CHODL: variants seen among roughly 807,000 people sequenced by gnomAD.
The protein encoded by CHODL is transmembrane protein MT75.
A neutral mutation model predicts 34.5 loss-of-function variants in CHODL; 29 were observed. The ratio of observed to expected loss-of-function variants is 0.84; its 90% CI spans 0.63 to 1.15. The LOEUF is 1.15. CHODL is among the 50% of genes most tolerant of loss of function. CHODL has a pLI of 0.00. For missense variants in CHODL, 332 were observed against 332.5 expected, an observed-to-expected ratio of 1.00 and a Z score of 0.01; for synonymous variants, 125 against 116.1, an observed-to-expected ratio of 1.08 and a Z score of -0.49.
At chr21:18,121,215 C>T (rs1284682209) in intron 2 of CHODL, among the ~76,000 whole-genome samples, 1 of 152,036 alleles carries the variant, frequency 6.6e-6, no homozygotes, top group African/African-American at 2.4e-5. Context: ...TTTTGACTTC[C>T]CTGGGCCACA....
intron 2 of CHODL, among the ~76,000 whole-genome samples, chr21:18,207,393 T>C (rs1286741818): frequency 6.6e-6 from 1 of 152,172 alleles, no homozygotes; most frequent in Non-Finnish European, 1.5e-5. Flanking sequence ...CCTTTTGCTG[T>C]TTGTGTCTTA....
intron 2 of CHODL, among the ~76,000 whole-genome samples, chr21:18,174,151 A>ATG (rs1222969206): frequency 7.9e-6 from 1 of 125,804 alleles, no homozygotes; most frequent in African/African-American, 2.9e-5. Context: ...ATATATATAT[A>ATG]TATATATATA....
chr21:17,939,241 C>T (rs938475792), intron 1 of CHODL, among the ~76,000 whole-genome samples: 2 of 152,110 alleles, frequency 1.3e-5, no homozygotes, highest in African/African-American at 4.8e-5. Context: ...CCTCATTTCT[C>T]CTCCCCCCAC....
chr21:18,100,215 C>A (rs74512498), intron 2 of CHODL, among the ~76,000 whole-genome samples: 2,529 of 152,092 alleles, frequency 0.017, 60 homozygotes, highest in Middle Eastern at 0.075. Context: ...TTGAATCAAC[C>A]TACTGACAAA....
rs76672322 is a variant in CHODL, at chr21:18,021,747, T to C, written c.-144-6125T>C. ...CTGTGTTTTTCCTACCACCTCATAG[T>C]GGAGAACATAAAAACAGCCCTTCAT... On this transcript the variant is annotated intron_variant, in intron 1 of 6. Transcript: ENST00000400127. Among the ~76,000 whole-genome samples the C allele has an allele frequency of 5.9e-3, 890 of 151,696 alleles. 5 individuals carry two copies. Among genetic ancestry groups the C allele is most frequent in the South Asian group, 0.018 (85 of 4,780 alleles).
At chr21:18,245,411 T>A (rs2074127598) in intron 1 of CHODL, 109 bp downstream of exon 1, 1 of 846,388 alleles carries the variant, frequency 1.2e-6, no homozygotes, top group Non-Finnish European at 1.8e-6. Context: ...GAAACCTGCA[T>A]GGTGTAAGGA....
chr21:18,217,343 A>G (rs2073840122), intron 2 of CHODL, among the ~76,000 whole-genome samples: 2 of 152,112 alleles, frequency 1.3e-5, no homozygotes, highest in Admixed American at 6.5e-5. Context: ...GAAACTTACA[A>G]TCATGTCAGA....
chr21:18,004,915 C>T (rs113080320), intron 1 of CHODL, among the ~76,000 whole-genome samples: 42 of 151,900 alleles, frequency 2.8e-4, no homozygotes, highest in African/African-American at 9.7e-4. Context: ...ATCCTGTTAC[C>T]ACTATTGCCA....
chr21:18,089,185 T>C (rs158036), intron 2 of CHODL, among the ~76,000 whole-genome samples: 62,465 of 152,170 alleles, frequency 0.41, 13,971 homozygotes, highest in Non-Finnish European at 0.51. Context: ...AGCTAGTAAA[T>C]AATTTGATGC....
At chr21:17,952,633 G>A (rs1030317427) in intron 1 of CHODL, among the ~76,000 whole-genome samples, 2 of 152,070 alleles carry the variant, frequency 1.3e-5, no homozygotes, top group African/African-American at 4.8e-5. Flanking sequence ...TGAACCTAGA[G>A]GAGAAGAGAT....
intron 1 of CHODL, among the ~76,000 whole-genome samples, chr21:17,952,674 G>A (rs1297207896): frequency 6.6e-6 from 1 of 151,996 alleles, no homozygotes; most frequent in Non-Finnish European, 1.5e-5. Context: ...CAACATGTGG[G>A]GGACATAAAT....
At chr21:18,070,029 C>CTTCCCTCCG (rs1568870121) in intron 2 of CHODL, among the ~76,000 whole-genome samples, 1 of 103,332 alleles carries the variant, frequency 9.7e-6, no homozygotes, top group Non-Finnish European at 2.1e-5. Context: ...CTTCCCTCCC[C>CTTCCCTCCG]CCCCCCACCC....
chr21:17,960,528 T>C (rs1600834558), intron 1 of CHODL, among the ~76,000 whole-genome samples: 1 of 152,296 alleles, frequency 6.6e-6, no homozygotes, highest in East Asian at 1.9e-4. Flanking sequence ...TTTGATACCA[T>C]TGAGTGCTCC....
chr21:18,158,410 G>A (rs2073058125), intron 2 of CHODL, among the ~76,000 whole-genome samples: 1 of 152,108 alleles, frequency 6.6e-6, no homozygotes, highest in African/African-American at 2.4e-5. Flanking sequence ...TAACACAGAA[G>A]CATAGATTAT....
chr21:18,134,768 C>T (rs755400907), intron 2 of CHODL, among the ~76,000 whole-genome samples: 1 of 152,164 alleles, frequency 6.6e-6, no homozygotes, highest in African/African-American at 2.4e-5. Context: ...TTGGGTGACA[C>T]TTTAAGATTC....
At chr21:17,981,154 C>T (rs2063710715) in intron 1 of CHODL, among the ~76,000 whole-genome samples, 1 of 152,016 alleles carries the variant, frequency 6.6e-6, no homozygotes, top group African/African-American at 2.4e-5. Flanking sequence ...TGAATAGAAA[C>T]AAAGTAGTTA....
intron 3 of CHODL, among the ~76,000 whole-genome samples, chr21:18,258,527 T>C (rs1259622747): frequency 6.6e-6 from 1 of 152,120 alleles, no homozygotes; most frequent in Non-Finnish European, 1.5e-5. Flanking sequence ...TAGGACACTG[T>C]AAATCTTACA....
chr21:17,994,984 G>A (rs1233218918), intron 1 of CHODL, among the ~76,000 whole-genome samples: 1 of 152,108 alleles, frequency 6.6e-6, no homozygotes, highest in Non-Finnish European at 1.5e-5. Context: ...GGGCAACCTC[G>A]CTGGTGCACT....
intron 3 of CHODL, among the ~76,000 whole-genome samples, chr21:18,257,502 C>CA (rs2074331995): frequency 6.6e-6 from 1 of 152,182 alleles, no homozygotes; most frequent in African/African-American, 2.4e-5. Context: ...TAGACTTACA[C>CA]ATGTGAGCAG....
Sources: gnomAD v4.1 joint callset for allele counts (sites outside exome capture counted in the v4.1 genomes callset) on GRCh38, gnomAD v4.1.1 for gene constraint, MANE v1.5 for transcripts, NCBI Gene and HGNC (gene_info 2026-07-23, HGNC 2026-07-21) for gene names.